PRKCZ: variants seen among roughly 807,000 people sequenced by gnomAD.
PRKCZ encodes protein kinase C zeta type.
A neutral mutation model predicts 79.5 loss-of-function variants in PRKCZ; 33 were observed. That is an observed-to-expected ratio of 0.41 (90% CI 0.31 to 0.55). The LOEUF (loss-of-function observed/expected upper bound fraction) is 0.55. PRKCZ is among the 20% of genes least tolerant of loss of function. The pLI, the probability that PRKCZ is intolerant of heterozygous loss-of-function variation, is 0.19. For synonymous variants in PRKCZ, 342 were observed against 320.9 expected, an observed-to-expected ratio of 1.07 and a Z score of -0.70; for missense variants, 578 against 813.5, an observed-to-expected ratio of 0.71 and a Z score of 3.52.
intron 15 of PRKCZ, 92 bp from the exon 16 acceptor site, chr1:2,175,132 C>A: frequency 2.7e-6 from 3 of 1,099,932 alleles, no homozygotes; most frequent in Non-Finnish European, 2.8e-6. Context: ...CGGGGGAGGG[C>A]TTGTCAGCAC....
chr1:2,160,205 C>G (rs1246773791), intron 10 of PRKCZ, among the ~76,000 whole-genome samples: 1 of 151,508 alleles, frequency 6.6e-6, no homozygotes, highest in Non-Finnish European at 1.5e-5. Context: ...AAACTGACTT[C>G]TAGACATGAA....
intron 4 of PRKCZ, among the ~76,000 whole-genome samples, chr1:2,120,782 C>G (rs1032844538): frequency 6.6e-6 from 1 of 151,268 alleles, no homozygotes; most frequent in East Asian, 1.9e-4. Context: ...TAAATCTACC[C>G]TTTAAATTAT....
intron 5 of PRKCZ, among the ~76,000 whole-genome samples, chr1:2,139,532 T>C (rs897392804): frequency 6.6e-6 from 1 of 152,092 alleles, no homozygotes; most frequent in Admixed American, 6.6e-5. Context: ...GAGGTTGTAG[T>C]GAGCCGAGAT....
In PRKCZ at chr1:2,172,949, C is replaced by T. The variant is rs577134967; in HGVS notation, c.1285+561C>T. Among the ~76,000 whole-genome samples the T allele has an allele frequency of 1.4e-3, 212 of 151,300 alleles. No homozygotes were observed. Among genetic ancestry groups the T allele is most frequent in the African/African-American group, 5.0e-3 (203 of 40,898 alleles). On this transcript the variant is annotated intron_variant, in intron 13 of 17. Coordinates refer to ENST00000378567, the MANE Select transcript of PRKCZ (RefSeq NM_002744.6). The surrounding 1 kb of genome is among the most constrained non-coding windows in gnomAD (Gnocchi z 7.8). The stretch of plus-strand genomic sequence containing the variant: ...CGTGTGTGAAACGGGGATGTGGGCA[C>T]GCGTGTGCAGCCGTGTGTGCGTGTG...
intron 4 of PRKCZ, among the ~76,000 whole-genome samples, chr1:2,111,396 T>G: frequency 1.4e-5 from 2 of 139,842 alleles, no homozygotes; most frequent in African/African-American, 2.7e-5. Context: ...CTCCGAGAAG[T>G]GATGGGCAGG....
chr1:2,091,213 G>C (rs910961698), intron 4 of PRKCZ, among the ~76,000 whole-genome samples: 5 of 152,150 alleles, frequency 3.3e-5, no homozygotes, highest in Non-Finnish European at 7.4e-5. Context: ...TGTATTTTTA[G>C]TAGAGACGGG....
intron 7 of PRKCZ, among the ~76,000 whole-genome samples, chr1:2,146,409 G>A (rs2103140989): frequency 6.6e-6 from 1 of 152,338 alleles, no homozygotes; most frequent in Admixed American, 6.5e-5. Flanking sequence ...AGCTCCGGGA[G>A]TTCTCGAAGG....
intron 4 of PRKCZ, among the ~76,000 whole-genome samples, chr1:2,077,382 A>G (rs1479650077): frequency 6.6e-6 from 1 of 152,186 alleles, no homozygotes; most frequent in Non-Finnish European, 1.5e-5. Context: ...GTGGGGACCC[A>G]GGTGCACTGG....
intron 4 of PRKCZ, among the ~76,000 whole-genome samples, chr1:2,064,969 TC>T (rs1330440926): frequency 1.3e-5 from 2 of 152,252 alleles, no homozygotes; most frequent in African/African-American, 4.8e-5. Flanking sequence ...TATGAAGACT[TC>T]CAATCCATGA....
rs562528441 is a variant in PRKCZ at position 2,127,400 on chromosome 1, C to A, written c.335-7862C>A. Among the ~76,000 whole-genome samples, 2 of 152,098 alleles carry A rather than the reference C, an allele frequency of 1.3e-5. No individual in the cohort carries two copies. The highest frequency in any genetic ancestry group is 1.9e-4 in the East Asian group (1 of 5,192). ...GAGGGGCTGCACCTCCACTGCCCCC[C>A]CCACCGCCGCCCCTGCCCCACGGCC... On this transcript the variant is annotated intron_variant, in intron 4 of 17. Coordinates refer to ENST00000378567, the MANE Select transcript of PRKCZ (RefSeq NM_002744.6). The surrounding 1 kb of genome is among the most constrained non-coding windows in gnomAD (Gnocchi z 5.1).
At chr1:2,073,904 G>C in intron 4 of PRKCZ, 1 of 1,278,770 alleles carries the variant, frequency 7.8e-7, no homozygotes, top group Non-Finnish European at 1.0e-6. Flanking sequence ...AAGAATCTGC[G>C]CTGAGGAGGC....
intron 4 of PRKCZ, among the ~76,000 whole-genome samples, chr1:2,087,826 C>T (rs1355142019): frequency 2.0e-5 from 3 of 152,200 alleles, no homozygotes; most frequent in Non-Finnish European, 4.4e-5. Flanking sequence ...TCCCCGGAGG[C>T]CCCTGAGGAG....
rs1246400305 is a variant in PRKCZ at position 2,128,703 on chromosome 1, C to T, written c.335-6559C>T. The stretch of plus-strand genomic sequence containing the variant: ...TCCCCAATGGGCACGTGACATCGAG[C>T]CAGCTCTGACTCCAAAGCCTGACCC... On this transcript the variant is annotated intron_variant, in intron 4 of 17. Transcript: ENST00000378567. The surrounding 1 kb of genome is among the most constrained non-coding windows in gnomAD (Gnocchi z 6.5). Among the ~76,000 whole-genome samples the T allele has an allele frequency of 6.6e-6, 1 of 152,154 alleles. No individual in the cohort carries two copies. The highest frequency in any genetic ancestry group is 2.4e-5 in the African/African-American group (1 of 41,432).
chr1:2,180,385 C>CGTGG (rs1686337422), intron 16 of PRKCZ, among the ~76,000 whole-genome samples: 1 of 151,944 alleles, frequency 6.6e-6, no homozygotes, highest in Non-Finnish European at 1.5e-5. Flanking sequence ...GCACAGACGA[C>CGTGG]ATGGACGCAC....
At chr1:2,071,255 TAGTA>T in intron 4 of PRKCZ, 1 of 353,574 alleles carries the variant, frequency 2.8e-6, no homozygotes, top group Non-Finnish European at 5.6e-6. Context: ...TCCTGGAACA[TAGTA>T]AGTGCTTAGC....
In PRKCZ at chr1:2,082,345, C is replaced by T; in HGVS notation, c.334+22754C>T. On this transcript the variant is annotated intron_variant, in intron 4 of 17. Transcript: ENST00000378567. This position sits in a 1 kb window ranked among gnomAD's most constrained non-coding sequence, Gnocchi z 4.4. Reference sequence around the variant, plus strand: ...GATGGACTTGGCAAATCACCTCTTTCAAGTTGCCGGCTACCCGGCTGCCGT... The same window carrying T: ...GATGGACTTGGCAAATCACCTCTTTTAAGTTGCCGGCTACCCGGCTGCCGT... The T allele has an allele frequency of 2.2e-6, 1 of 455,660 alleles. No individual in the cohort carries two copies. Among genetic ancestry groups the T allele is most frequent in the South Asian group, 1.6e-5 (1 of 64,464 alleles). The allele number at this position is 455,660 out of a possible 1,614,324, so 28.2% of individuals were successfully genotyped here. A position where few individuals can be genotyped will look rare whatever the true frequency, so the allele number is the denominator to read the frequency against.
intron 4 of PRKCZ, among the ~76,000 whole-genome samples, chr1:2,088,601 G>A (rs1664940594): frequency 6.6e-6 from 1 of 152,220 alleles, no homozygotes; most frequent in African/African-American, 2.4e-5. Flanking sequence ...GATGAGCCCA[G>A]CAGAGTCTTC....
intron 4 of PRKCZ, among the ~76,000 whole-genome samples, chr1:2,069,666 G>C (rs1375789649): frequency 6.6e-6 from 1 of 152,142 alleles, no homozygotes. Flanking sequence ...GCGGTCCCCT[G>C]AACCCTGGCA....
chr1:2,169,599 C>T lies in PRKCZ; in HGVS notation c.1056C>T (p.His352=), dbSNP rs1327888121. ...GGCAGAGGAAGCTCCCTGAGGAGCA[C>T]GCCAGGTGGGTGCGCGTGGACGGGG... The part of the protein sequence containing the change: ...MQRQRKLPEE[H]ARFYAAEICI... Residue 352 remains histidine (H), a synonymous_variant, in exon 11 of 18, where the codon CAC becomes CAT. Transcript: ENST00000378567. The T allele has an allele frequency of 5.8e-5, 86 of 1,492,498 alleles. No individual in the cohort carries two copies. Among genetic ancestry groups the T allele is most frequent in the East Asian group, 7.7e-5 (3 of 39,042 alleles). 92.5% of individuals were successfully genotyped at this position (1,492,498 alleles called of 1,614,324 possible). A position where few individuals can be genotyped will look rare whatever the true frequency, so the allele number is the denominator to read the frequency against.
Sources: allele counts gnomAD v4.1 joint callset (sites outside exome capture counted in the v4.1 genomes callset), GRCh38; gene constraint gnomAD v4.1.1; non-coding constraint Gnocchi (gnomAD v3.1); transcripts MANE v1.5; gene names NCBI Gene and HGNC (gene_info 2026-07-23, HGNC 2026-07-21).